The following TSPAN5 variants were observed in gnomAD, a reference collection of about 807,000 sequenced individuals.
The protein encoded by TSPAN5 is tetraspanin-5.
TSPAN5 carries 10 observed loss-of-function variants against 37.1 expected under a neutral mutation model. The ratio of observed to expected loss-of-function variants is 0.27; its 90% confidence interval spans 0.17 to 0.46. The LOEUF (loss-of-function observed/expected upper bound fraction) is 0.46. Ranked by LOEUF, TSPAN5 falls within the 20% of genes least tolerant of loss-of-function variation. The probability of loss-of-function intolerance (pLI) is 1.00; values close to 1 mark genes in which losing one functional copy is unlikely to be tolerated. For missense variants in TSPAN5, 195 were observed against 326.6 expected (o/e 0.60, Z 3.11); for synonymous variants, 110 against 118.9 (o/e 0.93, Z 0.48).
rs138730927 is a variant in TSPAN5, at chr4:98,532,343, G to C, written c.82-24615C>G. On this transcript the variant is annotated intron_variant, in intron 1 of 7. Coordinates refer to ENST00000305798, the MANE Select transcript of TSPAN5 (RefSeq NM_005723.4). ...ATCAGCATGGAATGTCTTTGCATTT[G>C]TTTGTGTCCTCTCTTATTTCCTTGA... Among the ~76,000 whole-genome samples the C allele has an allele frequency of 9.7e-3, 1,471 of 152,284 alleles. 26 individuals carry two copies. The highest frequency in any genetic ancestry group is 0.033 in the African/African-American group (1,385 of 41,560).
chr4:98,480,458 G>C (rs912544032), intron 4 of TSPAN5, among the ~76,000 whole-genome samples: 8 of 152,210 alleles, frequency 5.3e-5, no homozygotes, highest in Admixed American at 5.2e-4. Context: ...AATGGGGCCG[G>C]AGTCAAAGGC....
chr4:98,497,920 G>A (rs899453144), intron 2 of TSPAN5, among the ~76,000 whole-genome samples: 2 of 152,168 alleles, frequency 1.3e-5, no homozygotes, highest in African/African-American at 4.8e-5. Flanking sequence ...GGTGAGAAGA[G>A]ATGAAGAGGC....
intron 4 of TSPAN5, among the ~76,000 whole-genome samples, chr4:98,479,177 A>C (rs1204995671): frequency 2.0e-5 from 3 of 152,222 alleles, no homozygotes; most frequent in Non-Finnish European, 4.4e-5. Context: ...CACTAACGAC[A>C]GTGGTAGTGA....
In TSPAN5 at chr4:98,507,727, A is replaced by G. The variant is rs1180529435; in HGVS notation, c.83T>C (p.Phe28Ser). 2 of 1,608,944 alleles carry G rather than the reference A, an allele frequency of 1.2e-6. No homozygotes were observed. Among genetic ancestry groups the G allele is most frequent in the Non-Finnish European group, 1.7e-6 (2 of 1,178,188 alleles). The change falls in exon 2 of 8, where the codon TTT becomes TCT. Residue 28 changes from phenylalanine to serine, a missense_variant and splice_region_variant. By Grantham distance (155) the Phe-to-Ser change is radical. Coordinates refer to ENST00000305798, the MANE Select transcript of TSPAN5 (RefSeq NM_005723.4). ...FIFGFNVIFW[F>S]LGITFLGIGL... ...AATTCCAAGAAATGTTATTCCCAAA[A>G]ACTGAAAAAGAAAGAAAGCAGTGTA...
chr4:98,578,350 G>A (rs919082831), intron 1 of TSPAN5, among the ~76,000 whole-genome samples: 2 of 152,202 alleles, frequency 1.3e-5, no homozygotes, highest in African/African-American at 4.8e-5. Flanking sequence ...TCTATTCACA[G>A]ATGAATTCCT....
chr4:98,533,939 T>TAAAAAAAAAAAAAAAAAAAGAA (rs1754165925), intron 1 of TSPAN5, among the ~76,000 whole-genome samples: 1 of 31,148 alleles, frequency 3.2e-5, no homozygotes, highest in African/African-American at 1.8e-4. Flanking sequence ...TTGTTGATCT[T>TAAAAAAAAAAAAAAAAAAAGAA]AAAAAAAAAA....
At chr4:98,557,676 C>T (rs990041157) in intron 1 of TSPAN5, among the ~76,000 whole-genome samples, 1 of 152,116 alleles carries the variant, frequency 6.6e-6, no homozygotes, top group African/African-American at 2.4e-5. Flanking sequence ...GGAGGTGGGC[C>T]GAGTCACTTT....
intron 1 of TSPAN5, among the ~76,000 whole-genome samples, chr4:98,566,282 C>T (rs772679488): frequency 4.0e-5 from 6 of 151,486 alleles, no homozygotes; most frequent in Non-Finnish European, 8.8e-5. Context: ...CAAAGTGGAG[C>T]CCCAGCATTT....
intron 1 of TSPAN5, among the ~76,000 whole-genome samples, chr4:98,616,825 T>C (rs1756351441): frequency 6.6e-6 from 1 of 151,750 alleles, no homozygotes; most frequent in African/African-American, 2.4e-5. Flanking sequence ...TACACTCCAA[T>C]TTCCAAATTC....
Position 98,658,420 on chromosome 4 carries a change from G to T in TSPAN5, c.-194C>A. 3.0e-6 allele frequency: 1 copy of T among 336,376 alleles called. No homozygotes were observed. Among genetic ancestry groups the T allele is most frequent in the East Asian group, 4.8e-5 (1 of 20,938 alleles). The allele number at this position is 336,376 out of a possible 1,614,324, so 20.8% of individuals were successfully genotyped here. On this transcript the variant is annotated 5_prime_UTR_variant, in exon 1 of 8. Transcript: ENST00000305798. ...CCGCACCTCCAGCCCCTCGCGCGCC[G>T]AGGCCGCCGGAGCCGGGGTGGCCGC...
intron 1 of TSPAN5, among the ~76,000 whole-genome samples, chr4:98,605,875 T>C (rs1756029219): frequency 6.6e-6 from 1 of 152,220 alleles, no homozygotes; most frequent in Non-Finnish European, 1.5e-5. Context: ...CTGTAGCTCC[T>C]CTCTGCTGTG....
At chr4:98,616,767 A>G (rs17802628) in intron 1 of TSPAN5, among the ~76,000 whole-genome samples, 10,550 of 152,234 alleles carry the variant, frequency 0.069, 534 homozygotes, top group South Asian at 0.23. Context: ...GGACAAGATC[A>G]TTTACGAGAG....
chr4:98,582,755 C>T (rs1384387927), intron 1 of TSPAN5, among the ~76,000 whole-genome samples: 1 of 152,208 alleles, frequency 6.6e-6, no homozygotes, highest in Non-Finnish European at 1.5e-5. Flanking sequence ...TTCCTCAATG[C>T]CTCCCCAGCA....
intron 1 of TSPAN5, among the ~76,000 whole-genome samples, chr4:98,593,142 AGAT>A (rs1252259502): frequency 1.1e-4 from 4 of 35,054 alleles, no homozygotes; most frequent in Non-Finnish European, 2.3e-4. Flanking sequence ...AACTGGTGTG[AGAT>A]GATATCTCAT....
chr4:98,563,624 A>G (rs906737759), intron 1 of TSPAN5, among the ~76,000 whole-genome samples: 5 of 152,230 alleles, frequency 3.3e-5, no homozygotes, highest in African/African-American at 9.6e-5. Flanking sequence ...TTCAAGAATT[A>G]TGAGAATGGA....
intron 3 of TSPAN5, chr4:98,484,668 A>G: frequency 2.3e-6 from 1 of 439,050 alleles, no homozygotes; most frequent in Non-Finnish European, 4.5e-6. Flanking sequence ...GTAAATCACA[A>G]TTAAGGGGAC....
intron 1 of TSPAN5, among the ~76,000 whole-genome samples, chr4:98,573,230 G>A (rs1579001737): frequency 6.6e-6 from 1 of 152,244 alleles, no homozygotes; most frequent in East Asian, 1.9e-4. Flanking sequence ...GTTTCTGAAG[G>A]GGGCTCTTCT....
At chr4:98,640,618 A>C (rs1411689169) in intron 1 of TSPAN5, among the ~76,000 whole-genome samples, 1 of 152,210 alleles carries the variant, frequency 6.6e-6, no homozygotes, top group African/African-American at 2.4e-5. Context: ...GGAACATGGC[A>C]GCTGCTCTGA....
chr4:98,476,364 G>T, intron 6 of TSPAN5, 49 bp downstream of exon 6: 4 of 1,613,536 alleles, frequency 2.5e-6, no homozygotes, highest in Non-Finnish European at 3.4e-6. Context: ...ACAGGCCAAA[G>T]CTCCTCCAAC....
Sources: gnomAD v4.1 joint callset for allele counts (sites outside exome capture counted in the v4.1 genomes callset) on GRCh38, gnomAD v4.1.1 for gene constraint, MANE v1.5 for transcripts, NCBI Gene and HGNC (gene_info 2026-07-23, HGNC 2026-07-21) for gene names.